GIN1: variants seen among roughly 807,000 people sequenced by gnomAD.
GIN1 encodes the protein gypsy retrotransposon integrase 1.
In GIN1, 41 loss-of-function variants were observed where a neutral mutation model predicts 51.4. The observed-to-expected ratio is 0.80, with a 90% CI of 0.62 to 1.04. The LOEUF (loss-of-function observed/expected upper bound fraction) is 1.04, where lower values mean the gene tolerates loss of function less well. Ranked by LOEUF, GIN1 falls within the 50% of genes least tolerant of loss-of-function variation. GIN1 has a pLI of 0.00. For missense variants in GIN1, 610 were observed against 612.4 expected (o/e 1.00, Z 0.04); for synonymous variants, 222 against 206.5 (o/e 1.07, Z -0.64).
At chr5:103,098,172 C>T (rs192235475) in intron 4 of GIN1, among the ~76,000 whole-genome samples, 13 of 152,134 alleles carry the variant, frequency 8.5e-5, no homozygotes, top group African/African-American at 2.4e-4. Context: ...TGAGCCACTG[C>T]GCCTGGCTGA....
rs1473490117 is a variant in GIN1, at chr5:103,097,614, T to C, written c.807A>G (p.Ser269=). 1 of 1,610,636 alleles carries C rather than the reference T, an allele frequency of 6.2e-7. No homozygotes were observed. The highest frequency in any genetic ancestry group is 2.2e-5 in the East Asian group (1 of 44,836). The part of the protein sequence containing the change: ...NNWDDHLSAV[S]FAFNVTHLEP... Reference sequence around the variant, plus strand: ...CCAAGTGAGTTACATTGAAGGCAAATGAAACAGCTGATAGGTGATCATCCC... The same window carrying C: ...CCAAGTGAGTTACATTGAAGGCAAACGAAACAGCTGATAGGTGATCATCCC... The change falls in exon 5 of 8, where the codon TCA becomes TCG. Residue 269 remains serine, a synonymous_variant. Transcript: ENST00000399004.
At chr5:103,100,158 G>A (rs1554195613) in intron 4 of GIN1, among the ~76,000 whole-genome samples, 1 of 151,224 alleles carries the variant, frequency 6.6e-6, no homozygotes, top group African/African-American at 2.4e-5. Context: ...CCAGGCTAGA[G>A]TGCATGATCT....
Position 103,087,952 on chromosome 5 carries a change from C to CT in GIN1, c.1514dup (p.Gln506AlafsTer14), listed in dbSNP as rs1431857976. The CT allele has an allele frequency of 1.3e-6, 2 of 1,598,164 alleles. No individual in the cohort carries two copies. The highest frequency in any genetic ancestry group is 2.7e-5 in the African/African-American group (2 of 74,694). The stretch of plus-strand genomic sequence containing the variant: ...AAGAGTCCAACAGACTGAAAGTCTG[C>CT]TTTTCAAGAGAACTATGATCGTCTA... On this transcript the variant is annotated frameshift_variant, in exon 8 of 8. Transcript: ENST00000399004. LOFTEE classifies it high-confidence loss of function.
intron 4 of GIN1, among the ~76,000 whole-genome samples, chr5:103,100,115 T>A (rs1469691992): frequency 6.6e-6 from 1 of 151,718 alleles, no homozygotes; most frequent in East Asian, 1.9e-4. Context: ...ATTTTTTATT[T>A]TTTTTTTTTG....
chr5:103,100,238 T>A (rs1554195631), intron 4 of GIN1, among the ~76,000 whole-genome samples: 1 of 151,876 alleles, frequency 6.6e-6, no homozygotes, highest in Non-Finnish European at 1.5e-5. Context: ...GTAGCTGGAC[T>A]ACAGGTGTGC....
intron 2 of GIN1, among the ~76,000 whole-genome samples, chr5:103,108,347 G>T (rs1787782994): frequency 6.6e-6 from 1 of 151,962 alleles, no homozygotes; most frequent in African/African-American, 2.4e-5. Flanking sequence ...TTCTTTCATG[G>T]TATCATATTC....
At chr5:103,092,961 A>AG (rs1787295146) in intron 7 of GIN1, among the ~76,000 whole-genome samples, 1 of 144,548 alleles carries the variant, frequency 6.9e-6, no homozygotes, top group African/African-American at 2.5e-5. Context: ...AAAAAAAAAA[A>AG]AAAAAAAAGG....
intron 1 of GIN1, among the ~76,000 whole-genome samples, chr5:103,117,498 T>A (rs367607355): frequency 2.9e-4 from 44 of 152,036 alleles, no homozygotes; most frequent in African/African-American, 1.1e-3. Flanking sequence ...CATTTGATAT[T>A]AGCACTGCAG....
rs1396555124 is a variant in GIN1, at chr5:103,115,428, A to T, written c.-8+4636T>A. 3.9e-5 allele frequency among the ~76,000 whole-genome samples: 6 copies of T among 152,316 alleles called. No homozygotes were observed. In the East Asian group the frequency reaches 9.6e-4, roughly 24 times the overall value. ...TGAAATGAACCTGTCACAAAAAGAT[A>T]AATACTGTAAGATTCCACCTATATG... On this transcript the variant is annotated intron_variant, in intron 1 of 7. Transcript: ENST00000399004.
chr5:103,115,813 A>G (rs185806154), intron 1 of GIN1, among the ~76,000 whole-genome samples: 1 of 152,296 alleles, frequency 6.6e-6, no homozygotes, highest in Admixed American at 6.5e-5. Context: ...ACTGAAAACA[A>G]AGGAGAAAAA....
chr5:103,116,938 C>G (rs1788047669), intron 1 of GIN1, among the ~76,000 whole-genome samples: 2 of 152,038 alleles, frequency 1.3e-5, no homozygotes, highest in South Asian at 4.1e-4. Context: ...CAAGGATGCT[C>G]TTACTGGTGA....
intron 6 of GIN1, 148 bp downstream of exon 6, chr5:103,097,166 C>T: frequency 1.6e-6 from 1 of 619,630 alleles, no homozygotes; most frequent in Non-Finnish European, 2.8e-6. Flanking sequence ...ACTATTTAAT[C>T]AAGACAAGAA....
At chr5:103,091,138 A>C (rs1311151808) in intron 7 of GIN1, among the ~76,000 whole-genome samples, 1 of 152,186 alleles carries the variant, frequency 6.6e-6, no homozygotes, top group Non-Finnish European at 1.5e-5. Context: ...GTCTAAATCT[A>C]CTGGAGCTAA....
In GIN1 at chr5:103,088,189, C is replaced by T. The variant is rs782271935; in HGVS notation, c.1295-17G>A. 11 of 1,414,202 alleles carry T rather than the reference C, an allele frequency of 7.8e-6. No homozygotes were observed. Among genetic ancestry groups the T allele is most frequent in the Admixed American group, 5.0e-5 (2 of 40,066 alleles). The allele number at this position is 1,414,202 out of a possible 1,614,324, so 87.6% of individuals were successfully genotyped here. A position where few individuals can be genotyped will look rare whatever the true frequency, so the allele number is the denominator to read the frequency against. Reference sequence around the variant, plus strand: ...AAAGACTTTCTGAAAAAAGAAAAATCATACATTTGACTTTTAGAATTATAA... The same window carrying T: ...AAAGACTTTCTGAAAAAAGAAAAATTATACATTTGACTTTTAGAATTATAA... On this transcript the variant is annotated splice_polypyrimidine_tract_variant and intron_variant, in intron 7 of 7. Transcript: ENST00000399004.
chr5:103,098,675 T>C (rs1787478707), intron 4 of GIN1, among the ~76,000 whole-genome samples: 1 of 152,036 alleles, frequency 6.6e-6, no homozygotes, highest in Admixed American at 6.6e-5. Context: ...CCCAGGCTGG[T>C]CTCAAACTCC....
chr5:103,089,879 A>C (rs1355866864), intron 7 of GIN1, among the ~76,000 whole-genome samples: 1 of 152,176 alleles, frequency 6.6e-6, no homozygotes, highest in Non-Finnish European at 1.5e-5. Context: ...TCAATTTATA[A>C]ACTTTAACAG....
intron 4 of GIN1, among the ~76,000 whole-genome samples, chr5:103,103,010 C>G (rs1271694182): frequency 1.3e-5 from 2 of 152,176 alleles, no homozygotes; most frequent in Admixed American, 1.3e-4. Context: ...AAAGAGTTAA[C>G]CTGACAGTTA....
chr5:103,111,543 G>T (rs1054626914), intron 1 of GIN1, among the ~76,000 whole-genome samples: 2 of 152,038 alleles, frequency 1.3e-5, no homozygotes, highest in Non-Finnish European at 2.9e-5. Context: ...GACCAGTAAA[G>T]GTTGCAAAAA....
At chr5:103,112,699 T>C (rs141278344) in intron 1 of GIN1, among the ~76,000 whole-genome samples, 2 of 152,186 alleles carry the variant, frequency 1.3e-5, no homozygotes, top group African/African-American at 4.8e-5. Context: ...GATCTCTGAA[T>C]CTAAAGTGAT....
Sources: gnomAD v4.1 joint callset for allele counts (sites outside exome capture counted in the v4.1 genomes callset) on GRCh38, gnomAD v4.1.1 for gene constraint, MANE v1.5 for transcripts, NCBI Gene and HGNC (gene_info 2026-07-23, HGNC 2026-07-21) for gene names.